The following EIF3C variants were observed in gnomAD, a reference collection of about 807,000 sequenced individuals.
EIF3C encodes eukaryotic translation initiation factor 3 subunit C.
EIF3C carries 2 observed loss-of-function variants against 11.1 expected under a neutral mutation model. The observed-to-expected ratio is 0.18, with a 90% CI of 0.07 to 0.57. The LOEUF (loss-of-function observed/expected upper bound fraction) is 0.57, where lower values mean the gene tolerates loss of function less well. Ranked by LOEUF, EIF3C falls within the 20% of genes least tolerant of loss-of-function variation. The pLI, the probability that EIF3C is intolerant of heterozygous loss-of-function variation, is 0.92. For missense variants in EIF3C, 16 were observed against 114.6 expected (o/e 0.14, Z 3.93); for synonymous variants, 2 against 41.5 (o/e 0.05, Z 3.66).
Position 28,723,237 on chromosome 16 carries a change from A to G in EIF3C, c.850A>G (p.Arg284Gly), listed in dbSNP as rs745324987. Residue 284 changes from arginine (R) to glycine (G), a missense_variant, in exon 9 of 21, where the codon AGG becomes GGG. Physicochemically the swap from Arg to Gly is moderately radical, Grantham distance 125. Coordinates refer to ENST00000331666, the MANE Select transcript of EIF3C (RefSeq NM_003752.5). ...GGACAAAGCTAAGAAGAAGCACGAC[A>G]GGAAATCCAAGCGCCTGGATGAGGA... is the stretch of plus-strand genomic sequence containing the variant. ...REDKAKKKHD[R>G]KSKRLDEEEE... 2 of 1,614,300 alleles carry G rather than the reference A, an allele frequency of 1.2e-6. No individual in the cohort carries two copies. Among genetic ancestry groups the G allele is most frequent in the Non-Finnish European group, 1.7e-6 (2 of 1,180,060 alleles).
rs771493770 is a variant in EIF3C, at chr16:28,700,407, G to A, written c.-30-11250G>A. The A allele has an allele frequency of 5.2e-5, 20 of 385,618 alleles. 6 individuals are homozygous for A. The Middle Eastern group carries it at 2.4e-3, about 47-fold the overall frequency. The allele number at this position is 385,618 out of a possible 1,614,324, so 23.9% of individuals were successfully genotyped here. On this transcript the variant is annotated intron_variant, in intron 1 of 20. Transcript: ENST00000566501. ...CCTCAGAGTTGGGGACCCGGAGGCC[G>A]GCGTCGATACACTGCTGCATGGGGA...
intron 1 of EIF3C, among the ~76,000 whole-genome samples, chr16:28,698,218 C>G (rs1200644208): frequency 7.9e-6 from 1 of 126,712 alleles, no homozygotes; most frequent in African/African-American, 3.0e-5. Context: ...AGAGGCGCCC[C>G]TCACCTCCCG....
chr16:28,697,113 C>T (rs1378388768), intron 1 of EIF3C, among the ~76,000 whole-genome samples: 2 of 26,622 alleles, frequency 7.5e-5, no homozygotes, highest in Non-Finnish European at 1.2e-4. Context: ...TACAGGCATG[C>T]GCCACCACGC....
chr16:28,694,311 G>C (rs1247520256), intron 1 of EIF3C, among the ~76,000 whole-genome samples: 1 of 52,540 alleles, frequency 1.9e-5, no homozygotes, highest in Non-Finnish European at 3.7e-5. Flanking sequence ...AGTGAGCTGA[G>C]ACTGTACCAT....
chr16:28,703,057 T>C (rs1427544066), intron 1 of EIF3C, among the ~76,000 whole-genome samples: 1 of 9,346 alleles, frequency 1.1e-4, no homozygotes, highest in African/African-American at 8.3e-4. Flanking sequence ...AACTAGCTAC[T>C]AGCTATATGC....
intron 1 of EIF3C, chr16:28,700,048 T>C (rs2151789178): frequency 3.1e-5 from 2 of 65,322 alleles, no homozygotes; most frequent in East Asian, 5.8e-4. Context: ...GGCATGATGC[T>C]GATGGGGCGC....
chr16:28,698,557 G>T (rs1392611653), intron 1 of EIF3C, among the ~76,000 whole-genome samples: 2 of 96,776 alleles, frequency 2.1e-5, no homozygotes, highest in Non-Finnish European at 3.7e-5. Flanking sequence ...CCTCCCGGAC[G>T]GGGTGGCTGC....
intron 1 of EIF3C, among the ~76,000 whole-genome samples, chr16:28,698,281 C>T (rs1465889454): frequency 8.7e-6 from 1 of 115,360 alleles, no homozygotes; most frequent in African/African-American, 3.5e-5. Context: ...CCCTCCCGGA[C>T]GGGGTGGCTG....
intron 10 of EIF3C, among the ~76,000 whole-genome samples, chr16:28,723,773 CTTTTTTTTTTTTT>C (rs1157386167): frequency 2.5e-4 from 1 of 3,944 alleles, no homozygotes; most frequent in Non-Finnish European, 5.7e-4. Flanking sequence ...ATGTTCTCCT[CTTTTTTTTTTTTT>C]TTTTTTTTTT....
intron 2 of EIF3C, among the ~76,000 whole-genome samples, chr16:28,712,977 G>A (rs1024693584): frequency 4.0e-5 from 6 of 148,922 alleles, no homozygotes; most frequent in Non-Finnish European, 7.4e-5. Flanking sequence ...CAGCCTGGGC[G>A]ATAAAAGCAA....
In EIF3C at chr16:28,723,595, G is replaced by T. The variant is rs374004697; in HGVS notation, c.1040+44G>T. 1.6e-3 allele frequency: 2,153 copies of T among 1,347,284 alleles called. 3 individuals are homozygous for T. The highest frequency in any genetic ancestry group is 5.9e-3 in the Middle Eastern group (33 of 5,560). 83.5% of individuals were successfully genotyped at this position (1,347,284 alleles called of 1,614,324 possible). ...GGCAGTGGGATTGCAGGGTGGCAGA[G>T]GGTGGAGGTTGGGGGAAGGGATTGT... is the stretch of plus-strand genomic sequence containing the variant. On this transcript the variant is annotated intron_variant, in intron 10 of 20. Transcript: ENST00000331666.
intron 1 of EIF3C, among the ~76,000 whole-genome samples, chr16:28,698,215 C>A (rs2048253403): frequency 7.8e-6 from 1 of 127,602 alleles, no homozygotes; most frequent in African/African-American, 3.0e-5. Context: ...GGCAGAGGCG[C>A]CCCTCACCTC....
intron 1 of EIF3C, among the ~76,000 whole-genome samples, chr16:28,697,733 T>C (rs1242462408): frequency 1.1e-5 from 1 of 90,460 alleles, no homozygotes; most frequent in Admixed American, 9.4e-5. Flanking sequence ...TGGTGGCCGG[T>C]CAGAGGGGCT....
chr16:28,712,330 CT>C (rs2048307676), intron 2 of EIF3C: 1 of 32,554 alleles, frequency 3.1e-5, no homozygotes, highest in Admixed American at 4.0e-4. Context: ...TTTTTTTTTT[CT>C]TTTTTTGAGG....
chr16:28,698,220 CA>C (rs2048253587), intron 1 of EIF3C, among the ~76,000 whole-genome samples: 2 of 124,550 alleles, frequency 1.6e-5, no homozygotes, highest in Admixed American at 7.5e-5. Flanking sequence ...AGGCGCCCCT[CA>C]CCTCCCGGAC....
chr16:28,712,871 G>A (rs1207569098), intron 2 of EIF3C, among the ~76,000 whole-genome samples: 3 of 148,598 alleles, frequency 2.0e-5, no homozygotes, highest in African/African-American at 7.4e-5. Context: ...GGTGGCACAT[G>A]CCTGTAACCC....
chr16:28,693,275 C>A (rs1318602489), intron 1 of EIF3C, among the ~76,000 whole-genome samples: 1 of 15,716 alleles, frequency 6.4e-5, no homozygotes, highest in Non-Finnish European at 1.1e-4. Flanking sequence ...ACTTCTACCT[C>A]CCAGGTTCAA....
chr16:28,698,230 A>G (rs1476970868), intron 1 of EIF3C, among the ~76,000 whole-genome samples: 38 of 107,980 alleles, frequency 3.5e-4, no homozygotes, highest in South Asian at 1.7e-3. Flanking sequence ...CACCTCCCGG[A>G]CGGGGCGGCT....
intron 16 of EIF3C, among the ~76,000 whole-genome samples, chr16:28,733,079 C>T (rs1419175305): frequency 2.1e-5 from 1 of 47,974 alleles, no homozygotes; most frequent in Non-Finnish European, 4.0e-5. Context: ...CTTTTTCTTT[C>T]TTTCTTTCTT....
Sources: allele counts gnomAD v4.1 joint callset (sites outside exome capture counted in the v4.1 genomes callset), GRCh38; gene constraint gnomAD v4.1.1; transcripts MANE v1.5; gene names NCBI Gene and HGNC (gene_info 2026-07-23, HGNC 2026-07-21).